The following FLYWCH1 variants were observed in gnomAD, a reference collection of about 807,000 sequenced individuals.
FLYWCH1 encodes FLYWCH-type zinc finger 1.
Under a neutral mutation model 66.4 loss-of-function variants are expected in FLYWCH1, and 75 were observed. The observed-to-expected ratio is 1.13, with a 90% CI of 0.94 to 1.37. The LOEUF (loss-of-function observed/expected upper bound fraction) is 1.37. Ranked by LOEUF, FLYWCH1 falls within the 40% of genes most tolerant of loss-of-function variation. The pLI is 0.00. For synonymous variants in FLYWCH1, 595 were observed against 429.9 expected (o/e 1.38, Z -4.75); for missense variants, 1,334 against 1,001.8 (o/e 1.33, Z -4.48).
chr16:2,930,355 C>T (rs1172211684), intron 3 of FLYWCH1, 55 bp from the exon 4 acceptor site: 3 of 1,165,464 alleles, frequency 2.6e-6, no homozygotes, highest in African/African-American at 3.1e-5. Flanking sequence ...CTCTCTGTGC[C>T]TGCGACCCTG....
chr16:2,912,703 G>A (rs1019862836), intron 1 of FLYWCH1, among the ~76,000 whole-genome samples: 3 of 152,178 alleles, frequency 2.0e-5, no homozygotes, highest in Non-Finnish European at 2.9e-5. Flanking sequence ...GATCTGTTCG[G>A]ATTAAATTCC....
Position 2,948,736 on chromosome 16 carries a change from G to C in FLYWCH1, c.*9G>C, listed in dbSNP as rs761912393. The C allele has an allele frequency of 1.2e-6, 2 of 1,613,750 alleles. No individual in the cohort carries two copies. The highest frequency in any genetic ancestry group is 1.1e-5 in the South Asian group (1 of 91,080). Reference sequence around the variant, plus strand: ...ATGGCGAGTCCCAGTGAGGCGATGTGGGCAGAGGAGCTCCGAGCCGCCCAC... The same window carrying C: ...ATGGCGAGTCCCAGTGAGGCGATGTCGGCAGAGGAGCTCCGAGCCGCCCAC... On this transcript the variant is annotated 3_prime_UTR_variant, in exon 10 of 10. Transcript: ENST00000253928.
At chr16:2,930,145 G>A (rs994055505) in intron 3 of FLYWCH1, 135 bp downstream of exon 3, 41 of 818,034 alleles carry the variant, frequency 5.0e-5, no homozygotes, top group Admixed American at 1.4e-4. Context: ...GATCCTGAGC[G>A]TGTCCGAGGC....
intron 2 of FLYWCH1, among the ~76,000 whole-genome samples, chr16:2,928,383 G>T (rs539598904): frequency 6.6e-6 from 1 of 152,150 alleles, no homozygotes; most frequent in East Asian, 1.9e-4. Flanking sequence ...TCAGTGGGGG[G>T]AAACCTTGGA....
Position 2,921,634 on chromosome 16 carries a change from C to T in FLYWCH1, c.-74+7345C>T, listed in dbSNP as rs145130420. Among the ~76,000 whole-genome samples the T allele has an allele frequency of 2.1e-4, 32 of 152,068 alleles. No homozygotes were observed. In the East Asian group the frequency reaches 2.7e-3, roughly 13 times the overall value. On this transcript the variant is annotated intron_variant, in intron 2 of 9. Transcript: ENST00000253928. ...GAAATTAGCCGGGCATGGTAGTGTG[C>T]GCCTGTGGTCCCAGCTACTCTGGAG...
chr16:2,932,146 G>A lies in FLYWCH1; in HGVS notation c.797-984G>A, dbSNP rs114319332. Among the ~76,000 whole-genome samples the A allele has an allele frequency of 5.3e-3, 798 of 150,054 alleles. 14 individuals carry two copies. Among genetic ancestry groups the A allele is most frequent in the African/African-American group, 0.018 (745 of 40,742 alleles). On this transcript the variant is annotated intron_variant, in intron 4 of 9. Coordinates refer to ENST00000253928, the MANE Select transcript of FLYWCH1 (RefSeq NM_001308068.2). Reference sequence around the variant, plus strand: ...AAAAAAAAAAAAAAATTAGCTGGGCGTGGAGGCGCCTGCAATCCCAGTTAC... The same window carrying A: ...AAAAAAAAAAAAAAATTAGCTGGGCATGGAGGCGCCTGCAATCCCAGTTAC...
At chr16:2,939,981 C>T in intron 8 of FLYWCH1, 51 bp from the exon 9 acceptor site, 1 of 1,550,934 alleles carries the variant, frequency 6.4e-7, no homozygotes, top group Non-Finnish European at 8.7e-7. Flanking sequence ...GTTCTGTCAG[C>T]TTCAACAAGA....
At chr16:2,937,410 G>A (rs1048408710) in intron 7 of FLYWCH1, 26 bp downstream of exon 7, 4 of 1,505,762 alleles carry the variant, frequency 2.7e-6, no homozygotes, top group Non-Finnish European at 3.5e-6. Flanking sequence ...GCTGGGCTGG[G>A]TCTGCCTGGT....
Position 2,930,657 on chromosome 16 carries a change from C to A in FLYWCH1, c.573C>A (p.Pro191=). The A allele has an allele frequency of 6.5e-7, 1 of 1,546,310 alleles. No homozygotes were observed. The highest frequency in any genetic ancestry group is 2.4e-5 in the East Asian group (1 of 40,954). Residue 191 remains proline (P), a synonymous_variant, in exon 4 of 10, where the codon CCC becomes CCA. Coordinates refer to ENST00000253928, the MANE Select transcript of FLYWCH1 (RefSeq NM_001308068.2). ...CCCGGCGCCAGAGGGAGAAACTGCC[C>A]AGCCTGGCCCTGCCAGAGGGCTTGG... The part of the protein sequence containing the change: ...LEARRQREKL[P]SLALPEGLGE...
chr16:2,924,823 G>A (rs1003238526), intron 2 of FLYWCH1, among the ~76,000 whole-genome samples: 1 of 152,202 alleles, frequency 6.6e-6, no homozygotes, highest in African/African-American at 2.4e-5. Flanking sequence ...ACAAGCCGGC[G>A]GTCAGGGCCT....
intron 2 of FLYWCH1, among the ~76,000 whole-genome samples, chr16:2,919,158 A>G (rs923178609): frequency 1.3e-5 from 2 of 151,990 alleles, no homozygotes; most frequent in Non-Finnish European, 2.9e-5. Context: ...TGACGTTGTG[A>G]TCCACCCACC....
intron 2 of FLYWCH1, among the ~76,000 whole-genome samples, chr16:2,926,619 T>C (rs946056198): frequency 2.6e-5 from 4 of 152,216 alleles, no homozygotes; most frequent in African/African-American, 9.6e-5. Flanking sequence ...GACAAGGCTC[T>C]AAAGAGCCCT....
At chr16:2,936,990 G>C (rs2071031497) in intron 6 of FLYWCH1, 131 bp from the exon 7 acceptor site, 6 of 1,141,488 alleles carry the variant, frequency 5.3e-6, no homozygotes, top group East Asian at 2.6e-5. Context: ...TGGCATCTGT[G>C]TCCTGGGCTC....
intron 9 of FLYWCH1, among the ~76,000 whole-genome samples, chr16:2,943,175 C>T (rs2071342304): frequency 6.6e-6 from 1 of 152,158 alleles, no homozygotes; most frequent in South Asian, 2.1e-4. Context: ...AACGTACCTA[C>T]ATGAGCAACC....
intron 7 of FLYWCH1, 36 bp from the exon 8 acceptor site, chr16:2,938,148 C>A (rs1395881731): frequency 1.3e-5 from 21 of 1,599,168 alleles, no homozygotes; most frequent in Non-Finnish European, 1.7e-5. Flanking sequence ...ACCCAGGCCC[C>A]TGTGGCCCCA....
rs1052530739 is a variant in FLYWCH1 at position 2,948,850 on chromosome 16, T to C, written c.*123T>C. ...TCTTTTCATTCTTCCAAAGCATCGATGGTCTTCGCGTCTCCTCAGGAGGTC... is the reference window on the plus strand; with the variant it reads ...TCTTTTCATTCTTCCAAAGCATCGACGGTCTTCGCGTCTCCTCAGGAGGTC... On this transcript the variant is annotated 3_prime_UTR_variant, in exon 10 of 10. Transcript: ENST00000253928. 1 of 843,582 alleles carries C rather than the reference T, an allele frequency of 1.2e-6. No homozygotes were observed. Among genetic ancestry groups the C allele is most frequent in the African/African-American group, 1.7e-5 (1 of 59,408 alleles). 52.3% of individuals were successfully genotyped at this position (843,582 alleles called of 1,614,324 possible).
At chr16:2,917,071 G>A (rs968625119) in intron 2 of FLYWCH1, among the ~76,000 whole-genome samples, 5 of 150,724 alleles carry the variant, frequency 3.3e-5, no homozygotes, top group East Asian at 2.0e-4. Context: ...CAGGAGAATC[G>A]CTTGAAACCA....
chr16:2,948,815 A>T lies in FLYWCH1; in HGVS notation c.*88A>T. 1 of 1,197,548 alleles carries T rather than the reference A, an allele frequency of 8.4e-7. No homozygotes were observed. The highest frequency in any genetic ancestry group is 1.2e-6 in the Non-Finnish European group (1 of 808,622). 74.2% of individuals were successfully genotyped at this position (1,197,548 alleles called of 1,614,324 possible). A position where few individuals can be genotyped will look rare whatever the true frequency, so the allele number is the denominator to read the frequency against. On this transcript the variant is annotated 3_prime_UTR_variant, in exon 10 of 10. Coordinates refer to ENST00000253928, the MANE Select transcript of FLYWCH1 (RefSeq NM_001308068.2). ...CTTCCCATCCACCTAGGTTTGGCTT[A>T]GCAGAAACTTCTTTTCATTCTTCCA...
chr16:2,937,581 T>C (rs1220722896), intron 7 of FLYWCH1, among the ~76,000 whole-genome samples, 197 bp downstream of exon 7: 1 of 152,180 alleles, frequency 6.6e-6, no homozygotes, highest in African/African-American at 2.4e-5. Context: ...TAGTGGGGAC[T>C]GGCTGTCGGA....
Sources: allele counts gnomAD v4.1 joint callset (sites outside exome capture counted in the v4.1 genomes callset), GRCh38; gene constraint gnomAD v4.1.1; transcripts MANE v1.5; gene names NCBI Gene and HGNC (gene_info 2026-07-23, HGNC 2026-07-21).